The following USH2A variants were observed in gnomAD, a reference collection of about 807,000 sequenced individuals.
The protein encoded by USH2A is usherin, also known as Usher syndrome 2A (autosomal recessive, mild).
A neutral mutation model predicts 538.9 loss-of-function variants in USH2A; 443 were observed. The ratio of observed to expected loss-of-function variants is 0.82; its 90% CI spans 0.76 to 0.89. USH2A has a LOEUF of 0.89. Ranked by LOEUF, USH2A falls within the 40% of genes least tolerant of loss-of-function variation. The pLI is 0.00. For synonymous variants in USH2A, 2,413 were observed against 2,273.5 expected, an observed-to-expected ratio of 1.06 and a Z score of -1.75; for missense variants, 6,633 against 6,324.8, an observed-to-expected ratio of 1.05 and a Z score of -1.65.
At chr1:215,734,071 T>C (rs1660083012) in intron 60 of USH2A, among the ~76,000 whole-genome samples, 1 of 152,210 alleles carries the variant, frequency 6.6e-6, no homozygotes, top group South Asian at 2.1e-4. Context: ...GCTTCACCCC[T>C]GTGGCAGCCT....
intron 61 of USH2A, among the ~76,000 whole-genome samples, chr1:215,727,392 T>C (rs1346589064): frequency 6.6e-6 from 1 of 152,148 alleles, no homozygotes; most frequent in South Asian, 2.1e-4. Context: ...ATTACATTAT[T>C]CCCATTTAGT....
chr1:215,707,359 C>T (rs1264096427), intron 61 of USH2A, among the ~76,000 whole-genome samples: 1 of 152,110 alleles, frequency 6.6e-6, no homozygotes, highest in Non-Finnish European at 1.5e-5. Context: ...TTCTGATTGT[C>T]ACTCACACTA....
chr1:216,338,807 A>T (rs1398013528), intron 4 of USH2A, among the ~76,000 whole-genome samples: 1 of 151,606 alleles, frequency 6.6e-6, no homozygotes, highest in Non-Finnish European at 1.5e-5. Context: ...TACTAAAGAA[A>T]TTAAAATTAA....
chr1:215,934,925 C>T (rs1666456479), intron 37 of USH2A, 130 bp from the exon 38 acceptor site: 2 of 804,926 alleles, frequency 2.5e-6, no homozygotes, highest in Non-Finnish European at 3.8e-6. Context: ...CTCTAAGAGG[C>T]ATTACATGTG....
chr1:215,700,325 A>C (rs1163389739), intron 61 of USH2A, among the ~76,000 whole-genome samples: 2 of 152,190 alleles, frequency 1.3e-5, no homozygotes, highest in African/African-American at 4.8e-5. Context: ...GCCTTATAAA[A>C]TGAGTTAGGG....
intron 21 of USH2A, among the ~76,000 whole-genome samples, chr1:216,122,062 T>C (rs191254246): frequency 7.9e-5 from 12 of 152,302 alleles, no homozygotes; most frequent in Admixed American, 7.8e-4. Context: ...AATGAAAATG[T>C]AGGGCTGTCA....
intron 37 of USH2A, among the ~76,000 whole-genome samples, chr1:215,956,216 T>C (rs911947301): frequency 9.9e-5 from 15 of 152,158 alleles, no homozygotes; most frequent in African/African-American, 3.1e-4. Context: ...CAACAAAGCA[T>C]GCAAAAACCA....
intron 13 of USH2A, 70 bp downstream of exon 13, chr1:216,246,515 G>A (rs1572087888): frequency 1.9e-6 from 3 of 1,607,252 alleles, no homozygotes; most frequent in South Asian, 1.1e-5. Context: ...ACCAGAAACA[G>A]GGAGAAGTTA....
chr1:215,929,854 G>A (rs549539168), intron 38 of USH2A, among the ~76,000 whole-genome samples: 1 of 151,974 alleles, frequency 6.6e-6, no homozygotes, highest in South Asian at 2.1e-4. Context: ...CTTTTGCGAT[G>A]TGCCTAAGTT....
chr1:215,996,528 A>AATAGCCTTTGTT (rs1447895297), intron 34 of USH2A, among the ~76,000 whole-genome samples: 1 of 139,910 alleles, frequency 7.1e-6, no homozygotes, highest in Non-Finnish European at 1.5e-5. Flanking sequence ...CACATTTCAA[A>AATAGCCTTTGTT]ATAGCCTTTG....
At chr1:216,220,827 G>A (rs1558325572) in intron 14 of USH2A, among the ~76,000 whole-genome samples, 1 of 151,884 alleles carries the variant, frequency 6.6e-6, no homozygotes, top group Non-Finnish European at 1.5e-5. Context: ...GAGAAGGGAG[G>A]ATAGGTATAA....
At chr1:215,782,956 CA>C in intron 52 of USH2A, 21 bp from the exon 53 acceptor site, 7 of 1,605,720 alleles carry the variant, frequency 4.4e-6, no homozygotes, top group Non-Finnish European at 5.1e-6. Flanking sequence ...AAAAAATAGA[CA>C]GGGAAGTTTC....
intron 60 of USH2A, among the ~76,000 whole-genome samples, chr1:215,732,181 G>A (rs1660013658): frequency 6.6e-6 from 1 of 152,134 alleles, no homozygotes; most frequent in African/African-American, 2.4e-5. Flanking sequence ...GAGGACAAAT[G>A]GAAACACAGG....
At position 215,780,049 on chromosome 1, in the gene USH2A, C is replaced by T. The variant is rs369968349; in HGVS notation, c.10741-8G>A. 2.1e-4 allele frequency: 346 copies of T among 1,614,040 alleles called. No homozygotes were observed. Among genetic ancestry groups the T allele is most frequent in the African/African-American group, 1.4e-3 (108 of 75,042 alleles). On this transcript the variant is annotated splice_region_variant and splice_polypyrimidine_tract_variant and intron_variant, in intron 54 of 71. Coordinates refer to ENST00000307340, the MANE Select transcript of USH2A (RefSeq NM_206933.4). ...GGTAGTAGCTGCAACTACCTGAAGA[C>T]GTAGGAATTAAGCAGCAATTTATTG...
intron 11 of USH2A, among the ~76,000 whole-genome samples, chr1:216,252,959 T>C (rs1188870219): frequency 1.3e-5 from 2 of 152,214 alleles, no homozygotes; most frequent in Non-Finnish European, 2.9e-5. Flanking sequence ...GCTGGTACTT[T>C]ACAGGATCAG....
intron 40 of USH2A, 56 bp downstream of exon 40, chr1:215,900,019 C>T: frequency 1.2e-6 from 2 of 1,610,218 alleles, no homozygotes; most frequent in Non-Finnish European, 1.7e-6. Context: ...AAATTGAAGA[C>T]ATTTTAAGCT....
At chr1:216,257,891 G>A (rs544872861) in intron 11 of USH2A, among the ~76,000 whole-genome samples, 21 of 151,910 alleles carry the variant, frequency 1.4e-4, no homozygotes, top group African/African-American at 5.1e-4. Context: ...GTTTTTCTCT[G>A]GAATTTTGAT....
chr1:216,038,649 T>C (rs1436908909), intron 32 of USH2A, among the ~76,000 whole-genome samples: 2 of 152,058 alleles, frequency 1.3e-5, no homozygotes, highest in Non-Finnish European at 2.9e-5. Flanking sequence ...TTGTTTTGGG[T>C]ACAGATTCCA....
chr1:216,000,006 ATGTGAAAC>A (rs1332167041), intron 33 of USH2A, among the ~76,000 whole-genome samples: 2 of 152,132 alleles, frequency 1.3e-5, no homozygotes, highest in African/African-American at 4.8e-5. Flanking sequence ...ACATGCCTAT[ATGTGAAAC>A]TTCCTTTCTG....
Sources: gnomAD v4.1 joint callset for allele counts (sites outside exome capture counted in the v4.1 genomes callset) on GRCh38, gnomAD v4.1.1 for gene constraint, MANE v1.5 for transcripts, NCBI Gene and HGNC (gene_info 2026-07-23, HGNC 2026-07-21) for gene names.